The following HSF2 variants were observed in gnomAD, a reference collection of about 807,000 sequenced individuals.
HSF2 encodes the protein heat shock factor protein 2.
Under a neutral mutation model 65.0 loss-of-function variants are expected in HSF2, and 21 were observed. The ratio of observed to expected loss-of-function variants is 0.32; its 90% CI spans 0.23 to 0.47. The LOEUF (loss-of-function observed/expected upper bound fraction) is 0.47, where lower values mean the gene tolerates loss of function less well. Among genes scored for constraint, HSF2 ranks in the 20% least tolerant of loss-of-function variants. The pLI, the probability that HSF2 is intolerant of heterozygous loss-of-function variation, is 1.00. For missense variants in HSF2, 499 were observed against 628.1 expected (o/e 0.79, Z 2.20); for synonymous variants, 225 against 219.1 (o/e 1.03, Z -0.24).
intron 4 of HSF2, among the ~76,000 whole-genome samples, chr6:122,415,586 A>AT (rs1363282968): frequency 3.3e-5 from 5 of 151,416 alleles, no homozygotes; most frequent in Non-Finnish European, 7.4e-5. Context: ...AGATTAGCTT[A>AT]TTTTTTTTTA....
chr6:122,400,412 A>G (rs1773701664), intron 1 of HSF2, among the ~76,000 whole-genome samples: 1 of 152,224 alleles, frequency 6.6e-6, no homozygotes, highest in Admixed American at 6.5e-5. Flanking sequence ...TTTTAAAAAT[A>G]TATAGAAATT....
chr6:122,406,562 G>A (rs1356567334), intron 1 of HSF2, among the ~76,000 whole-genome samples: 1 of 152,186 alleles, frequency 6.6e-6, no homozygotes, highest in Non-Finnish European at 1.5e-5. Context: ...TAAGGTAGCA[G>A]CAGTCAAGGT....
intron 1 of HSF2, among the ~76,000 whole-genome samples, chr6:122,401,676 C>T (rs1226949961): frequency 6.6e-6 from 1 of 152,138 alleles, no homozygotes; most frequent in Admixed American, 6.5e-5. Flanking sequence ...TTCTAATATG[C>T]CAGTGGGACA....
At chr6:122,426,333 A>G (rs1188323160) in intron 10 of HSF2, among the ~76,000 whole-genome samples, 1 of 152,066 alleles carries the variant, frequency 6.6e-6, no homozygotes, top group South Asian at 2.1e-4. Context: ...TTAGAATTCA[A>G]CCAGCTGTGT....
intron 5 of HSF2, 33 bp downstream of exon 5, chr6:122,416,329 G>T (rs749437321): frequency 1.3e-6 from 2 of 1,495,006 alleles, no homozygotes; most frequent in South Asian, 2.3e-5. Context: ...ACCATAATTT[G>T]CATTTGTTTA....
intron 1 of HSF2, among the ~76,000 whole-genome samples, chr6:122,403,529 C>G (rs1773790128): frequency 6.6e-6 from 1 of 152,094 alleles, no homozygotes; most frequent in Admixed American, 6.5e-5. Flanking sequence ...ATGGCTTGAG[C>G]CCATGAGGCA....
chr6:122,400,435 T>G (rs1773702111), intron 1 of HSF2, among the ~76,000 whole-genome samples: 1 of 152,234 alleles, frequency 6.6e-6, no homozygotes, highest in African/African-American at 2.4e-5. Flanking sequence ...CAAATTATTC[T>G]TTTGAGATTC....
chr6:122,423,032 G>C (rs1197887289), intron 9 of HSF2, 75 bp downstream of exon 9: 5 of 1,525,292 alleles, frequency 3.3e-6, no homozygotes, highest in Middle Eastern at 1.7e-4. Context: ...TTCTCTTTGA[G>C]TAATCTTCCT....
chr6:122,410,816 T>C (rs1773972661), intron 1 of HSF2, among the ~76,000 whole-genome samples: 1 of 151,924 alleles, frequency 6.6e-6, no homozygotes, highest in Admixed American at 6.6e-5. Flanking sequence ...CACCATGTGT[T>C]GGTGGATACT....
intron 8 of HSF2, 150 bp downstream of exon 8, chr6:122,422,448 A>G: frequency 1.3e-6 from 1 of 743,974 alleles, no homozygotes. Flanking sequence ...TTATTCAACC[A>G]GATAAAACCT....
At chr6:122,422,060 T>C in intron 7 of HSF2, 90 bp from the exon 8 acceptor site, 1 of 853,884 alleles carries the variant, frequency 1.2e-6, no homozygotes, top group Non-Finnish European at 1.8e-6. Context: ...ATTCAGTAAA[T>C]AGTAGTTGCC....
chr6:122,428,703 T>C (rs554058069), intron 11 of HSF2, among the ~76,000 whole-genome samples: 3 of 152,140 alleles, frequency 2.0e-5, no homozygotes, highest in African/African-American at 7.2e-5. Flanking sequence ...GAATTTTATT[T>C]TGATTCTTTT....
chr6:122,431,814 CTA>C (rs1774476417), intron 12 of HSF2, 109 bp from the exon 13 acceptor site: 1 of 865,510 alleles, frequency 1.2e-6, no homozygotes, highest in Non-Finnish European at 1.8e-6. Context: ...TCTTGTTTGG[CTA>C]TATGAGAGTA....
intron 11 of HSF2, among the ~76,000 whole-genome samples, chr6:122,429,299 G>A (rs1774409481): frequency 6.6e-6 from 1 of 151,884 alleles, no homozygotes; most frequent in South Asian, 2.1e-4. Flanking sequence ...CCTTATTTGT[G>A]GATCATCATC....
chr6:122,426,067 C>T (rs45504205), intron 10 of HSF2, among the ~76,000 whole-genome samples: 1 of 152,032 alleles, frequency 6.6e-6, no homozygotes, highest in South Asian at 2.1e-4. Flanking sequence ...ATCCAGTTTT[C>T]TAAAATAGCA....
At position 122,416,214 on chromosome 6, in the gene HSF2, A is replaced by G. The variant is rs1347314844; in HGVS notation, c.456-7A>G. ...TTTGTTTTGTTGCTTAATAAATTAT[A>G]ACATAGTGAGAATGAGTCCCTTTGG... On this transcript the variant is annotated splice_polypyrimidine_tract_variant and splice_region_variant and intron_variant, in intron 4 of 12. Coordinates refer to ENST00000368455, the MANE Select transcript of HSF2 (RefSeq NM_004506.4). 5 of 1,573,600 alleles carry G rather than the reference A, an allele frequency of 3.2e-6. No individual in the cohort carries two copies. The highest frequency in any genetic ancestry group is 4.4e-6 in the Non-Finnish European group (5 of 1,144,462).
chr6:122,424,366 C>T (rs1247483345), intron 10 of HSF2, among the ~76,000 whole-genome samples: 1 of 151,974 alleles, frequency 6.6e-6, no homozygotes, highest in Non-Finnish European at 1.5e-5. Context: ...TTTCCATTTT[C>T]TGTTGTGAAC....
At chr6:122,410,800 A>C (rs1773972442) in intron 1 of HSF2, among the ~76,000 whole-genome samples, 1 of 151,862 alleles carries the variant, frequency 6.6e-6, no homozygotes, top group African/African-American at 2.4e-5. Flanking sequence ...TTATCCATAT[A>C]TATTTCACCA....
At chr6:122,404,009 G>T (rs1773804322) in intron 1 of HSF2, among the ~76,000 whole-genome samples, 1 of 152,168 alleles carries the variant, frequency 6.6e-6, no homozygotes, top group Admixed American at 6.5e-5. Context: ...GAACTGGAAG[G>T]TCATCCTTTT....
Sources: gnomAD v4.1 joint callset for allele counts (sites outside exome capture counted in the v4.1 genomes callset) on GRCh38, gnomAD v4.1.1 for gene constraint, MANE v1.5 for transcripts, NCBI Gene and HGNC (gene_info 2026-07-23, HGNC 2026-07-21) for gene names.